Variants in ABLIM3 observed in about 807,000 individuals in gnomAD.
The protein encoded by ABLIM3 is actin binding LIM protein family member 3.
In ABLIM3, 61 loss-of-function variants were observed where a neutral mutation model predicts 109.5. The observed-to-expected ratio is 0.56, with a 90% confidence interval of 0.45 to 0.69. ABLIM3 has a LOEUF of 0.69. Among genes scored for constraint, ABLIM3 ranks in the 30% least tolerant of loss-of-function variants. The probability of loss-of-function intolerance (pLI) is 0.00; values close to 1 mark genes in which losing one functional copy is unlikely to be tolerated. For synonymous variants in ABLIM3, 300 were observed against 324.8 expected, an observed-to-expected ratio of 0.92 and a Z score of 0.82; for missense variants, 796 against 889.5, an observed-to-expected ratio of 0.89 and a Z score of 1.34.
intron 11 of ABLIM3, among the ~76,000 whole-genome samples, chr5:149,238,545 G>C (rs1014283006): frequency 2.0e-5 from 3 of 152,228 alleles, no homozygotes; most frequent in Non-Finnish European, 4.4e-5. Context: ...GGGCCCACAG[G>C]TTGCAGCCAG....
chr5:149,167,764 C>A (rs1425826082), intron 2 of ABLIM3, among the ~76,000 whole-genome samples: 1 of 152,076 alleles, frequency 6.6e-6, no homozygotes, highest in Non-Finnish European at 1.5e-5. Flanking sequence ...CAAATAAGCA[C>A]AACTAATGAT....
intron 3 of ABLIM3, among the ~76,000 whole-genome samples, chr5:149,187,854 GT>G (rs1757121317): frequency 1.3e-5 from 2 of 152,140 alleles, no homozygotes; most frequent in Admixed American, 6.5e-5. Flanking sequence ...GTCGGAATTT[GT>G]TTAGCCTGTG....
At chr5:149,160,114 A>G (rs1325772641) in intron 2 of ABLIM3, among the ~76,000 whole-genome samples, 1 of 152,156 alleles carries the variant, frequency 6.6e-6, no homozygotes, top group African/African-American at 2.4e-5. Context: ...ATTAGCAAAC[A>G]AGACTGTTTT....
chr5:149,183,865 A>T (rs1450800098), intron 3 of ABLIM3, among the ~76,000 whole-genome samples: 1 of 152,180 alleles, frequency 6.6e-6, no homozygotes, highest in East Asian at 1.9e-4. Flanking sequence ...ACTCATCTGA[A>T]GAGACTCCTG....
intron 2 of ABLIM3, among the ~76,000 whole-genome samples, chr5:149,161,101 G>T (rs547560344): frequency 6.6e-6 from 1 of 152,144 alleles, no homozygotes; most frequent in Non-Finnish European, 1.5e-5. Flanking sequence ...TGTCCTTTGA[G>T]TTAGTCCCAG....
Position 149,217,047 on chromosome 5 carries a change from G to T in ABLIM3, c.757+1G>T, listed in dbSNP as rs1489739007. 2 of 1,613,922 alleles carry T rather than the reference G, an allele frequency of 1.2e-6. No individual in the cohort carries two copies. Among genetic ancestry groups the T allele is most frequent in the South Asian group, 1.1e-5 (1 of 91,068 alleles). On this transcript the variant is annotated splice_donor_variant, in intron 8 of 23. Coordinates refer to ENST00000309868, the MANE Select transcript of ABLIM3 (RefSeq NM_014945.5). LOFTEE classifies it high-confidence loss of function. ...GAAGGAGAGGAAATGTACCTCACAG[G>T]TAAGTAAATCTGACCCTCTGTAAGG...
At chr5:149,200,637 T>G (rs2127499034) in intron 5 of ABLIM3, 2 of 585,438 alleles carry the variant, frequency 3.4e-6, no homozygotes, top group South Asian at 4.2e-5. Context: ...TGCCTGGCCA[T>G]AAACAGTGGT....
chr5:149,145,416 G>A lies in ABLIM3; in HGVS notation c.13+3308G>A, dbSNP rs116611006. On this transcript the variant is annotated intron_variant, in intron 2 of 23. Coordinates refer to ENST00000309868, the MANE Select transcript of ABLIM3 (RefSeq NM_014945.5). ...GTTGATAAACACCTAGGTTGATTCC[G>A]TATCTTTATTATTGTGAATAGTGCT... Among the ~76,000 whole-genome samples, 868 of 152,180 alleles carry A rather than the reference G, an allele frequency of 5.7e-3. 7 individuals carry two copies. Among genetic ancestry groups the A allele is most frequent in the Middle Eastern group, 0.02 (6 of 294 alleles).
At chr5:149,229,496 AC>A (rs1761631458) in intron 8 of ABLIM3, among the ~76,000 whole-genome samples, 1 of 152,170 alleles carries the variant, frequency 6.6e-6, no homozygotes, top group African/African-American at 2.4e-5. Flanking sequence ...AGGCCTCCTC[AC>A]TTCAGGCCTC....
intron 21 of ABLIM3, 103 bp from the exon 22 acceptor site, chr5:149,252,098 G>T (rs1753981401): frequency 7.4e-7 from 1 of 1,350,752 alleles, no homozygotes; most frequent in Admixed American, 2.1e-5. Context: ...GGAGACAATA[G>T]AGGCCAGACC....
At chr5:149,186,494 C>T (rs1581078535) in intron 3 of ABLIM3, among the ~76,000 whole-genome samples, 1 of 151,834 alleles carries the variant, frequency 6.6e-6, no homozygotes, top group Admixed American at 6.6e-5. Flanking sequence ...TGACTATATT[C>T]GTGTTATATA....
intron 2 of ABLIM3, among the ~76,000 whole-genome samples, chr5:149,154,125 A>T (rs1753673571): frequency 6.6e-6 from 1 of 152,136 alleles, no homozygotes. Flanking sequence ...CCTGAAGCAC[A>T]CTCTATCAAG....
chr5:149,226,889 A>T (rs1761339978), intron 8 of ABLIM3, among the ~76,000 whole-genome samples: 1 of 151,978 alleles, frequency 6.6e-6, no homozygotes, highest in African/African-American at 2.4e-5. Flanking sequence ...TGGCCAACAC[A>T]GAGAAACCCC....
intron 2 of ABLIM3, among the ~76,000 whole-genome samples, chr5:149,182,628 T>C (rs1023373940): frequency 3.9e-5 from 6 of 152,274 alleles, no homozygotes; most frequent in African/African-American, 9.6e-5. Context: ...AGCCATGAAA[T>C]GGTCTTAGCA....
intron 23 of ABLIM3, among the ~76,000 whole-genome samples, chr5:149,256,872 A>G (rs1305366464): frequency 1.3e-5 from 2 of 152,174 alleles, no homozygotes; most frequent in African/African-American, 4.8e-5. Flanking sequence ...GAATTTTTTT[A>G]ATGGGGTTGA....
chr5:149,259,499 C>A lies in ABLIM3; in HGVS notation c.*1095C>A. The A allele has an allele frequency of 6.5e-7, 1 of 1,535,860 alleles. No homozygotes were observed. The highest frequency in any genetic ancestry group is 8.7e-7 in the Non-Finnish European group (1 of 1,146,814). On this transcript the variant is annotated 3_prime_UTR_variant, in exon 24 of 24. Coordinates refer to ENST00000309868, the MANE Select transcript of ABLIM3 (RefSeq NM_014945.5). Reference sequence around the variant, plus strand: ...GGCTGGCAGGGCAACCATACCATACCCCCGCCAGTCCTCGGCTCCTGCTGC... The same window carrying A: ...GGCTGGCAGGGCAACCATACCATACACCCGCCAGTCCTCGGCTCCTGCTGC...
chr5:149,167,348 A>G (rs1371728377), intron 2 of ABLIM3, among the ~76,000 whole-genome samples: 1 of 152,184 alleles, frequency 6.6e-6, no homozygotes, highest in Non-Finnish European at 1.5e-5. Flanking sequence ...GATTTCTAAT[A>G]TGATAAATAT....
At chr5:149,243,298 C>T (rs981861992) in intron 15 of ABLIM3, 4 of 152,152 alleles carry the variant, frequency 2.6e-5, no homozygotes, top group African/African-American at 9.7e-5. Context: ...TGAGAACCAC[C>T]AAGTCATTCA....
chr5:149,159,448 G>A (rs1445261379), intron 2 of ABLIM3, among the ~76,000 whole-genome samples: 3 of 152,176 alleles, frequency 2.0e-5, no homozygotes, highest in Admixed American at 6.5e-5. Flanking sequence ...TGATTAAACT[G>A]TTGTGGGCTA....
Sources: allele counts gnomAD v4.1 joint callset (sites outside exome capture counted in the v4.1 genomes callset), GRCh38; gene constraint gnomAD v4.1.1; transcripts MANE v1.5; gene names NCBI Gene and HGNC (gene_info 2026-07-23, HGNC 2026-07-21).